The following PLCL2 variants were observed in gnomAD, a reference collection of about 807,000 sequenced individuals.
PLCL2 encodes inactive phospholipase C-like protein 2.
A neutral mutation model predicts 79.6 loss-of-function variants in PLCL2; 4 were observed. The observed-to-expected ratio is 0.05, with a 90% CI of 0.02 to 0.11. The LOEUF (loss-of-function observed/expected upper bound fraction) is 0.11. PLCL2 is among the 10% of genes least tolerant of loss of function. The pLI, the probability that PLCL2 is intolerant of heterozygous loss-of-function variation, is 1.00. For synonymous variants in PLCL2, 484 were observed against 457.7 expected (o/e 1.06, Z -0.73); for missense variants, 895 against 1,291.0 (o/e 0.69, Z 4.70).
intron 1 of PLCL2, among the ~76,000 whole-genome samples, chr3:16,937,898 T>A (rs1280236710): frequency 6.6e-6 from 1 of 152,232 alleles, no homozygotes; most frequent in Non-Finnish European, 1.5e-5. Context: ...TAATTTTGGA[T>A]AACAGGTTAC....
chr3:16,985,028 C>T (rs1173330758), intron 1 of PLCL2, among the ~76,000 whole-genome samples: 1 of 152,058 alleles, frequency 6.6e-6, no homozygotes, highest in African/African-American at 2.4e-5. Context: ...GAAGTATAAG[C>T]ACAAGAAGTT....
chr3:16,940,346 T>G (rs1697649068), intron 1 of PLCL2, among the ~76,000 whole-genome samples: 1 of 152,222 alleles, frequency 6.6e-6, no homozygotes, highest in African/African-American at 2.4e-5. Flanking sequence ...CAAAAAAAGT[T>G]CAACTCTCTC....
At chr3:17,080,763 C>T (rs890433323) in intron 5 of PLCL2, among the ~76,000 whole-genome samples, 8 of 152,212 alleles carry the variant, frequency 5.3e-5, no homozygotes, top group South Asian at 4.1e-4. Flanking sequence ...TTCTTTTGTT[C>T]ACTCATTCCT....
intron 1 of PLCL2, among the ~76,000 whole-genome samples, chr3:16,939,154 A>G (rs755300684): frequency 2.0e-5 from 3 of 152,072 alleles, no homozygotes; most frequent in Non-Finnish European, 4.4e-5. Flanking sequence ...GTAAGCGGGT[A>G]ATCACACACT....
At chr3:17,004,184 A>T (rs2064237851) in intron 1 of PLCL2, among the ~76,000 whole-genome samples, 1 of 152,136 alleles carries the variant, frequency 6.6e-6, no homozygotes, top group African/African-American at 2.4e-5. Flanking sequence ...AAGAACAGTT[A>T]TGATTTTATA....
At chr3:17,060,254 A>G (rs1279220611) in intron 4 of PLCL2, among the ~76,000 whole-genome samples, 1 of 152,154 alleles carries the variant, frequency 6.6e-6, no homozygotes, top group African/African-American at 2.4e-5. Context: ...TCCCTCATAT[A>G]ATTCATTCAC....
At chr3:17,000,065 A>G (rs2064192728) in intron 1 of PLCL2, among the ~76,000 whole-genome samples, 1 of 152,192 alleles carries the variant, frequency 6.6e-6, no homozygotes, top group Admixed American at 6.6e-5. Flanking sequence ...TGAGAATCTA[A>G]TCACAGTCTT....
chr3:17,048,020 G>C (rs2064799178), intron 4 of PLCL2, among the ~76,000 whole-genome samples: 3 of 151,918 alleles, frequency 2.0e-5, no homozygotes. Flanking sequence ...ACACACTCCT[G>C]CATGGGGAAA....
chr3:16,995,547 C>G (rs935954185), intron 1 of PLCL2, among the ~76,000 whole-genome samples: 5 of 152,196 alleles, frequency 3.3e-5, no homozygotes, highest in African/African-American at 1.2e-4. Context: ...CTTTACTACC[C>G]CAAATCCATG....
rs143600734 is a variant in PLCL2, at chr3:17,065,119, T to G, written c.3095-2837T>G. Among the ~76,000 whole-genome samples the G allele has an allele frequency of 5.0e-3, 755 of 152,324 alleles. 5 individuals are homozygous for G. The highest frequency in any genetic ancestry group is 0.017 in the African/African-American group (692 of 41,578). ...TGCCTGTTTTTAAAAAGAGCTTCAC[T>G]AATAAAACATTTTGCATGTCCCTGT... On this transcript the variant is annotated intron_variant, in intron 4 of 5. Coordinates refer to ENST00000615277, the MANE Select transcript of PLCL2 (RefSeq NM_001144382.2).
At chr3:16,896,041 A>G (rs1025566628) in intron 1 of PLCL2, among the ~76,000 whole-genome samples, 6 of 152,344 alleles carry the variant, frequency 3.9e-5, no homozygotes, top group African/African-American at 1.4e-4. Context: ...TTTACTTTGT[A>G]AAAATCCATT....
At chr3:17,074,036 C>A (rs551139868) in intron 5 of PLCL2, among the ~76,000 whole-genome samples, 3 of 152,292 alleles carry the variant, frequency 2.0e-5, no homozygotes, top group Admixed American at 2.0e-4. Context: ...TTATTAATGG[C>A]GTCTTAGAAT....
chr3:17,018,748 AT>A (rs2064413400), intron 3 of PLCL2, among the ~76,000 whole-genome samples: 1 of 152,218 alleles, frequency 6.6e-6, no homozygotes, highest in South Asian at 2.1e-4. Context: ...TAGAAATTTA[AT>A]TGGTTTATTT....
chr3:16,946,877 A>G (rs887504347), intron 1 of PLCL2, among the ~76,000 whole-genome samples: 4 of 151,392 alleles, frequency 2.6e-5, no homozygotes, highest in African/African-American at 9.7e-5. Context: ...TAAAAAGATA[A>G]TCAGGGAGAG....
intron 1 of PLCL2, among the ~76,000 whole-genome samples, chr3:16,907,117 T>C (rs563060338): frequency 2.6e-5 from 4 of 152,234 alleles, no homozygotes; most frequent in Non-Finnish European, 4.4e-5. Context: ...TTTCTACTTA[T>C]ATATTTAATT....
At chr3:17,013,432 A>G (rs956605923) in intron 2 of PLCL2, among the ~76,000 whole-genome samples, 1 of 152,194 alleles carries the variant, frequency 6.6e-6, no homozygotes, top group African/African-American at 2.4e-5. Context: ...GGAAGGGGAA[A>G]CAGACAGGAG....
chr3:17,058,008 A>C (rs1050458827), intron 4 of PLCL2, among the ~76,000 whole-genome samples: 10 of 152,220 alleles, frequency 6.6e-5, no homozygotes, highest in Non-Finnish European at 1.3e-4. Context: ...TAAGCCACTC[A>C]TAAGTGTAAG....
intron 3 of PLCL2, among the ~76,000 whole-genome samples, chr3:17,018,932 C>CT (rs561487227): frequency 7.3e-5 from 11 of 151,432 alleles, no homozygotes; most frequent in South Asian, 4.2e-4. Flanking sequence ...ATGAAAAAGA[C>CT]TTTTTTTTTC....
At position 17,090,551 on chromosome 3, in the gene PLCL2, T is replaced by A. The variant is rs558298749; in HGVS notation, c.*639T>A. 1 of 152,706 alleles carries A rather than the reference T, an allele frequency of 6.5e-6. No individual in the cohort carries two copies. The highest frequency in any genetic ancestry group is 2.4e-5 in the African/African-American group (1 of 41,586). 9.5% of individuals were successfully genotyped at this position (152,706 alleles called of 1,614,324 possible). On this transcript the variant is annotated 3_prime_UTR_variant, in exon 6 of 6. Transcript: ENST00000615277. ...GAAACAATACATTGTAAATAGTTTT[T>A]CATTGTATGAAGTAGTGTTCACATT...
Sources: gnomAD v4.1 joint callset for allele counts (sites outside exome capture counted in the v4.1 genomes callset) on GRCh38, gnomAD v4.1.1 for gene constraint, MANE v1.5 for transcripts, NCBI Gene and HGNC (gene_info 2026-07-23, HGNC 2026-07-21) for gene names.